The following CMIP variants were observed in gnomAD, a reference collection of about 807,000 sequenced individuals.
CMIP encodes c-Maf inducing protein, also known as C-Maf-inducing protein.
A neutral mutation model predicts 97.3 loss-of-function variants in CMIP; 13 were observed. That is an observed-to-expected ratio of 0.13 (90% CI 0.09 to 0.21). The LOEUF is 0.21. CMIP is among the 10% of genes least tolerant of loss of function. CMIP has a pLI of 1.00. For missense variants in CMIP, 847 were observed against 1,024.9 expected (o/e 0.83, Z 2.37); for synonymous variants, 538 against 436.3 (o/e 1.23, Z -2.91).
intron 1 of CMIP, among the ~76,000 whole-genome samples, chr16:81,601,757 C>T (rs1446607360): frequency 6.6e-6 from 1 of 152,158 alleles, no homozygotes; most frequent in Non-Finnish European, 1.5e-5. Flanking sequence ...GGGGCCAGAA[C>T]CCCAGCTTGT....
At chr16:81,598,301 C>T (rs544614624) in intron 1 of CMIP, among the ~76,000 whole-genome samples, 4 of 152,162 alleles carry the variant, frequency 2.6e-5, no homozygotes, top group Non-Finnish European at 4.4e-5. Flanking sequence ...AGCTGACCAA[C>T]AGGGCGGCGC....
At chr16:81,601,665 C>A (rs1390941628) in intron 1 of CMIP, among the ~76,000 whole-genome samples, 1 of 152,174 alleles carries the variant, frequency 6.6e-6, no homozygotes, top group Non-Finnish European at 1.5e-5. Context: ...AAAACTAGCT[C>A]CATATCTGTC....
chr16:81,453,094 AG>A lies in CMIP; in HGVS notation c.300+7557del, dbSNP rs1226966516. On this transcript the variant is annotated intron_variant, in intron 1 of 20. Coordinates refer to ENST00000537098, the MANE Select transcript of CMIP (RefSeq NM_198390.3). This position sits in a 1 kb window ranked among gnomAD's most constrained non-coding sequence, Gnocchi z 4.0. ...TCACCTCTGGTTTTGCCAGCGAGGA[AG>A]GGGTGAGGGGAAGTGTGTCGGCAAA... is the stretch of plus-strand genomic sequence containing the variant. Among the ~76,000 whole-genome samples, 4 of 152,046 alleles carry A rather than the reference AG, an allele frequency of 2.6e-5. No homozygotes were observed. Among genetic ancestry groups the A allele is most frequent in the Non-Finnish European group, 4.4e-5 (3 of 67,978 alleles).
At position 81,636,958 on chromosome 16, in the gene CMIP, C is replaced by T. The variant is rs533019133; in HGVS notation, c.478-15245C>T. On this transcript the variant is annotated intron_variant, in intron 3 of 20. Transcript: ENST00000537098. ...CAGCATGTTGTGCAGGTGGAATCCA[C>T]GGCAGATCTTGTAACCCTCCTTCCT... 4.6e-5 allele frequency among the ~76,000 whole-genome samples: 7 copies of T among 152,118 alleles called. No individual in the cohort carries two copies. The South Asian group carries it at 6.2e-4, about 14-fold the overall frequency.
At chr16:81,630,001 C>A (rs1188071559) in intron 3 of CMIP, among the ~76,000 whole-genome samples, 1 of 152,200 alleles carries the variant, frequency 6.6e-6, no homozygotes, top group African/African-American at 2.4e-5. Flanking sequence ...CCACCTATTA[C>A]CTATTTGCTC....
rs553055491 is a variant in CMIP at position 81,689,605 on chromosome 16, T to A, written c.1389-2170T>A. 6.6e-3 allele frequency among the ~76,000 whole-genome samples: 1,005 copies of A among 152,024 alleles called. 14 individuals are homozygous for A. Among genetic ancestry groups the A allele is most frequent in the African/African-American group, 0.023 (958 of 41,518 alleles). On this transcript the variant is annotated intron_variant, in intron 10 of 20. Coordinates refer to ENST00000537098, the MANE Select transcript of CMIP (RefSeq NM_198390.3). ...AAAATTTTCTCCCATTCTGTAGGTT[T>A]CCTTTTCACTCTGATGGTGGTTTCT...
intron 3 of CMIP, among the ~76,000 whole-genome samples, chr16:81,646,671 C>T (rs1350572425): frequency 6.6e-6 from 1 of 152,186 alleles, no homozygotes; most frequent in Non-Finnish European, 1.5e-5. Context: ...ATGAATGTTC[C>T]ACTTTCTGTC....
At chr16:81,705,942 A>T (rs547440748) in intron 19 of CMIP, among the ~76,000 whole-genome samples, 1 of 152,208 alleles carries the variant, frequency 6.6e-6, no homozygotes, top group African/African-American at 2.4e-5. Flanking sequence ...TCCCCTGACC[A>T]GTGGTGGCAG....
chr16:81,561,346 C>G (rs1214911984), intron 1 of CMIP, among the ~76,000 whole-genome samples: 1 of 152,158 alleles, frequency 6.6e-6, no homozygotes, highest in African/African-American at 2.4e-5. Context: ...TTAGGGTGTC[C>G]TTTCCTGGGT....
At chr16:81,560,375 T>C (rs2090858210) in intron 1 of CMIP, among the ~76,000 whole-genome samples, 1 of 151,958 alleles carries the variant, frequency 6.6e-6, no homozygotes, top group South Asian at 2.1e-4. Flanking sequence ...CCCGCCACTA[T>C]TCCTGGCTCA....
chr16:81,469,486 A>G (rs1907397781), intron 1 of CMIP, among the ~76,000 whole-genome samples: 1 of 152,240 alleles, frequency 6.6e-6, no homozygotes, highest in Admixed American at 6.5e-5. Flanking sequence ...GAAAGTATAC[A>G]GGAAAAACAG....
At chr16:81,607,739 A>C (rs771498390) in intron 2 of CMIP, 47 bp downstream of exon 2, 6 of 1,599,690 alleles carry the variant, frequency 3.8e-6, no homozygotes, top group Non-Finnish European at 5.1e-6. Flanking sequence ...CCTCATCTTC[A>C]TGCACTTGTG....
intron 1 of CMIP, among the ~76,000 whole-genome samples, chr16:81,579,326 T>A (rs571356862): frequency 2.6e-4 from 39 of 152,278 alleles, no homozygotes; most frequent in African/African-American, 8.7e-4. Context: ...CCTTTGTCCC[T>A]CTGACTGGTA....
chr16:81,527,570 G>GAAGC, intron 1 of CMIP, among the ~76,000 whole-genome samples: 1 of 152,254 alleles, frequency 6.6e-6, no homozygotes, highest in Admixed American at 6.5e-5. Context: ...TTCTACCATG[G>GAAGC]AAGCATCCTC....
chr16:81,517,961 G>C, intron 1 of CMIP: 2 of 971,698 alleles, frequency 2.1e-6, no homozygotes, highest in Non-Finnish European at 2.4e-6. Context: ...GAACGCCAGT[G>C]GATGTGTGGA....
intron 10 of CMIP, among the ~76,000 whole-genome samples, chr16:81,684,790 C>T (rs1461297504): frequency 6.6e-6 from 1 of 152,222 alleles, no homozygotes; most frequent in African/African-American, 2.4e-5. Context: ...TCCGTCCCCT[C>T]CGTCCAAGCT....
intron 3 of CMIP, among the ~76,000 whole-genome samples, chr16:81,635,399 A>G (rs1309082334): frequency 2.0e-5 from 3 of 152,268 alleles, no homozygotes; most frequent in East Asian, 1.9e-4. Context: ...TTTTAAAGGT[A>G]TATCCTACCT....
intron 10 of CMIP, among the ~76,000 whole-genome samples, chr16:81,688,507 G>T (rs1420343084): frequency 6.6e-6 from 1 of 152,246 alleles, no homozygotes; most frequent in Non-Finnish European, 1.5e-5. Flanking sequence ...CATCTGTTAA[G>T]TGGGGTTAGT....
chr16:81,485,809 G>A (rs868649920), intron 1 of CMIP, among the ~76,000 whole-genome samples: 2 of 152,228 alleles, frequency 1.3e-5, no homozygotes, highest in African/African-American at 2.4e-5. Flanking sequence ...AAGCTGAGGC[G>A]AAAGAGCTTG....
Sources: gnomAD v4.1 joint callset for allele counts (sites outside exome capture counted in the v4.1 genomes callset) on GRCh38, gnomAD v4.1.1 for gene constraint, Gnocchi (gnomAD v3.1) non-coding constraint, MANE v1.5 for transcripts, NCBI Gene and HGNC (gene_info 2026-07-23, HGNC 2026-07-21) for gene names.